The following SMG6 variants were observed in gnomAD, a reference collection of about 807,000 sequenced individuals.
The protein encoded by SMG6 is SMG6 nonsense mediated mRNA decay factor, also known as telomerase-binding protein EST1A.
Under a neutral mutation model 142.2 loss-of-function variants are expected in SMG6, and 66 were observed. The observed-to-expected ratio is 0.46, with a 90% CI of 0.38 to 0.57. SMG6 has a LOEUF of 0.57. SMG6 is among the 20% of genes least tolerant of loss of function. The pLI is 0.00. For missense variants in SMG6, 1,793 were observed against 1,832.0 expected (o/e 0.98, Z 0.39); for synonymous variants, 779 against 702.4 (o/e 1.11, Z -1.72).
At chr17:2,188,603 G>T in intron 10 of SMG6, 88 bp from the exon 11 acceptor site, 1 of 1,097,782 alleles carries the variant, frequency 9.1e-7, no homozygotes, top group Non-Finnish European at 1.4e-6. Context: ...TTTCCTCACT[G>T]AAGACTAGGG....
At chr17:2,240,683 G>A (rs1005409409) in intron 9 of SMG6, among the ~76,000 whole-genome samples, 2 of 152,180 alleles carry the variant, frequency 1.3e-5, no homozygotes, top group Non-Finnish European at 2.9e-5. Context: ...TGAACCTCTC[G>A]TCAGCTAGTG....
chr17:2,299,643 C>A lies in SMG6; in HGVS notation c.1110G>T (p.Arg370Ser). 1 of 1,614,174 alleles carries A rather than the reference C, an allele frequency of 6.2e-7. No homozygotes were observed. The highest frequency in any genetic ancestry group is 8.5e-7 in the Non-Finnish European group (1 of 1,180,032). Residue 370 changes from arginine (R) to serine (S), a missense_variant, in exon 2 of 19, where the codon AGG becomes AGT. Transcript: ENST00000263073. The surrounding 1 kb of genome is among the most constrained non-coding windows in gnomAD (Gnocchi z 4.3). ...CAGGCTTTCCTCTATCCATATCATC[C>A]CTGGCTGACCTCACCATGGGAGACT... Reference protein sequence around the residue: ...NKESPMVRSARDDMDRGKPDK... With the variant: ...NKESPMVRSASDDMDRGKPDK...
chr17:2,064,447 G>A (rs2067878065), intron 18 of SMG6, among the ~76,000 whole-genome samples: 1 of 152,128 alleles, frequency 6.6e-6, no homozygotes, highest in African/African-American at 2.4e-5. Context: ...ACCCCAAAAG[G>A]TCTTGAAAAC....
chr17:2,259,202 G>C, intron 8 of SMG6, among the ~76,000 whole-genome samples: 1 of 151,892 alleles, frequency 6.6e-6, no homozygotes, highest in East Asian at 1.9e-4. Flanking sequence ...TTCTTTCACC[G>C]AGAGACCACC....
intron 12 of SMG6, among the ~76,000 whole-genome samples, chr17:2,175,597 C>T (rs1350025665): frequency 6.6e-6 from 1 of 151,402 alleles, no homozygotes; most frequent in African/African-American, 2.4e-5. Flanking sequence ...CGCCTTTTTG[C>T]CCATTACCAC....
At chr17:2,223,257 C>T (rs1050238249) in intron 10 of SMG6, among the ~76,000 whole-genome samples, 1 of 152,222 alleles carries the variant, frequency 6.6e-6, no homozygotes, top group Non-Finnish European at 1.5e-5. Context: ...TTTCAGAAAC[C>T]TGCCCAGCAG....
chr17:2,245,574 G>A (rs1432522343), intron 8 of SMG6, among the ~76,000 whole-genome samples: 3 of 152,122 alleles, frequency 2.0e-5, no homozygotes, highest in African/African-American at 4.8e-5. Context: ...TAGAAGAGAC[G>A]GGGTTTTGCC....
intron 1 of SMG6, among the ~76,000 whole-genome samples, chr17:2,302,385 C>CA (rs1197426101): frequency 6.6e-6 from 1 of 152,000 alleles, no homozygotes; most frequent in African/African-American, 2.4e-5. Flanking sequence ...TACAAAAATA[C>CA]AAAAAATTAG....
chr17:2,236,555 T>C lies in SMG6; in HGVS notation c.2806A>G (p.Ser936Gly). Residue 936 changes from serine to glycine, a missense_variant, in exon 10 of 19, where the codon AGT becomes GGT. This residue lies in a region of SMG6 where 1,597 missense variants were observed against 1,584.6 expected (regional missense o/e 1.01). Transcript: ENST00000263073. The part of the protein sequence containing the change: ...LLQHSPSPIG[S>G]TRMLQLMTIN... Reference sequence around the variant, plus strand: ...GTCATAAGCTGCAGCATGCGGGTACTTCCAATGGGAGAGGGGCTGTGCTGC... The same window carrying C: ...GTCATAAGCTGCAGCATGCGGGTACCTCCAATGGGAGAGGGGCTGTGCTGC... 1 of 1,613,708 alleles carries C rather than the reference T, an allele frequency of 6.2e-7. No individual in the cohort carries two copies. The highest frequency in any genetic ancestry group is 8.5e-7 in the Non-Finnish European group (1 of 1,179,854).
At chr17:2,224,507 G>A (rs915723924) in intron 10 of SMG6, among the ~76,000 whole-genome samples, 3 of 152,062 alleles carry the variant, frequency 2.0e-5, no homozygotes, top group Non-Finnish European at 4.4e-5. Flanking sequence ...TATAGCTATG[G>A]AAAGGTTCAA....
chr17:2,153,812 G>A (rs1265064571), intron 13 of SMG6, among the ~76,000 whole-genome samples: 2 of 95,516 alleles, frequency 2.1e-5, no homozygotes, highest in African/African-American at 4.5e-5. Context: ...GTGACTGGGG[G>A]AACCTGGGGA....
chr17:2,190,972 T>C (rs1043075378), intron 10 of SMG6, among the ~76,000 whole-genome samples: 6 of 152,216 alleles, frequency 3.9e-5, no homozygotes, highest in African/African-American at 9.6e-5. Flanking sequence ...ACTGGCCATG[T>C]TACCTAGAGC....
At chr17:2,123,258 G>T (rs2069761136) in intron 13 of SMG6, among the ~76,000 whole-genome samples, 1 of 152,242 alleles carries the variant, frequency 6.6e-6, no homozygotes, top group Admixed American at 6.5e-5. Flanking sequence ...GCAAACAGCT[G>T]CTGAGAGGGG....
chr17:2,278,781 C>T (rs899331709), intron 8 of SMG6, among the ~76,000 whole-genome samples: 1 of 152,112 alleles, frequency 6.6e-6, no homozygotes, highest in South Asian at 2.1e-4. Context: ...TAAATATGTA[C>T]AATTATTATA....
At chr17:2,222,853 G>C (rs1007421146) in intron 10 of SMG6, among the ~76,000 whole-genome samples, 1 of 152,196 alleles carries the variant, frequency 6.6e-6, no homozygotes, top group Admixed American at 6.5e-5. Context: ...TGAAGAATGT[G>C]TCAATGGCCT....
intron 10 of SMG6, among the ~76,000 whole-genome samples, chr17:2,193,412 T>A (rs1419771747): frequency 6.6e-6 from 1 of 152,170 alleles, no homozygotes; most frequent in African/African-American, 2.4e-5. Context: ...TAGGTATTTG[T>A]CTATAGCAAT....
Position 2,186,695 on chromosome 17 carries a change from A to T in SMG6, c.3123T>A (p.Asn1041Lys). 6.2e-7 allele frequency: 1 copy of T among 1,614,196 alleles called. No individual in the cohort carries two copies. The highest frequency in any genetic ancestry group is 8.5e-7 in the Non-Finnish European group (1 of 1,180,036). Residue 1041 changes from asparagine to lysine, a missense_variant, in exon 12 of 19, where the codon AAT becomes AAA. Physicochemically the swap from Asn to Lys is moderately conservative, Grantham distance 94. Coordinates refer to ENST00000263073, the MANE Select transcript of SMG6 (RefSeq NM_017575.5). ...DWMLGYPDTW[N>K]PPPTSLDLPS... ...GCAGATCCAGGGATGTGGGAGGAGG[A>T]TTCCAGGTGTCCGGGTAGCCGAGCA...
intron 13 of SMG6, among the ~76,000 whole-genome samples, chr17:2,111,761 C>T (rs1025160114): frequency 1.2e-4 from 18 of 152,234 alleles, no homozygotes; most frequent in African/African-American, 4.3e-4. Context: ...GGAGTTCCTT[C>T]TCTGATCGAA....
intron 13 of SMG6, among the ~76,000 whole-genome samples, chr17:2,155,968 C>G (rs554856046): frequency 6.6e-6 from 1 of 151,900 alleles, no homozygotes; most frequent in Non-Finnish European, 1.5e-5. Context: ...ATGTGAAAAC[C>G]ACATTGGTAG....
Sources: allele counts gnomAD v4.1 joint callset (sites outside exome capture counted in the v4.1 genomes callset), GRCh38; gene constraint gnomAD v4.1.1; regional missense constraint gnomAD v4.1.1; non-coding constraint Gnocchi (gnomAD v3.1); transcripts MANE v1.5; gene names NCBI Gene and HGNC (gene_info 2026-07-23, HGNC 2026-07-21).